Variants in NRG2 observed in about 807,000 individuals in gnomAD.
NRG2 encodes neuregulin 2.
A neutral mutation model predicts 73.9 loss-of-function variants in NRG2; 27 were observed. That is an observed-to-expected ratio of 0.37 (90% CI 0.27 to 0.50). The LOEUF is 0.50. Among genes scored for constraint, NRG2 ranks in the 20% least tolerant of loss-of-function variants. The probability of loss-of-function intolerance (pLI) is 0.96; values close to 1 mark genes in which losing one functional copy is unlikely to be tolerated. For missense variants in NRG2, 1,126 were observed against 1,210.1 expected (o/e 0.93, Z 1.03); for synonymous variants, 532 against 541.0 (o/e 0.98, Z 0.23).
At chr5:139,988,252 A>C (rs1757324877) in intron 1 of NRG2, among the ~76,000 whole-genome samples, 1 of 152,054 alleles carries the variant, frequency 6.6e-6, no homozygotes, top group Non-Finnish European at 1.5e-5. Flanking sequence ...AGTTTCTTAC[A>C]AAACTAAACA....
At chr5:139,872,898 C>T (rs1762953200) in intron 3 of NRG2, among the ~76,000 whole-genome samples, 1 of 152,142 alleles carries the variant, frequency 6.6e-6, no homozygotes, top group South Asian at 2.1e-4. Context: ...CCCTCAGCTC[C>T]CAGGGCCTCT....
Position 139,938,906 on chromosome 5 carries a change from A to C in NRG2, c.701-51395T>G, listed in dbSNP as rs1580774883. ...AAGGAAAGAAAGAAAGAAAGAAAGA[A>C]AAGAAAGAAAGAAAGAAAGAAAGAA... On this transcript the variant is annotated intron_variant, in intron 1 of 9. Coordinates refer to ENST00000361474, the MANE Select transcript of NRG2 (RefSeq NM_004883.3). Among the ~76,000 whole-genome samples the C allele has an allele frequency of 6.2e-4, 3 of 4,828 alleles. No homozygotes were observed. In the East Asian group the frequency reaches 0.019, roughly 31 times the overall value. The allele number at this position is 4,828 out of a possible 152,430, so 3.2% of individuals were successfully genotyped here.
intron 1 of NRG2, among the ~76,000 whole-genome samples, chr5:139,916,732 C>T (rs891921420): frequency 6.6e-6 from 1 of 152,150 alleles, no homozygotes; most frequent in Admixed American, 6.6e-5. Flanking sequence ...AGTATTCATA[C>T]CTTTTTTGTG....
At chr5:139,961,665 G>A (rs1755072642) in intron 1 of NRG2, among the ~76,000 whole-genome samples, 1 of 152,138 alleles carries the variant, frequency 6.6e-6, no homozygotes, top group Non-Finnish European at 1.5e-5. Flanking sequence ...AGAGAACAGG[G>A]CCATTCCCAC....
At chr5:139,914,150 T>C (rs1371065289) in intron 1 of NRG2, among the ~76,000 whole-genome samples, 1 of 152,026 alleles carries the variant, frequency 6.6e-6, no homozygotes, top group African/African-American at 2.4e-5. Context: ...ACAGACCCTG[T>C]CTCAGAAAAA....
chr5:140,040,716 A>G (rs1761848211), intron 1 of NRG2, among the ~76,000 whole-genome samples: 1 of 152,220 alleles, frequency 6.6e-6, no homozygotes, highest in Non-Finnish European at 1.5e-5. Flanking sequence ...ACTGTACAAT[A>G]CTGTTTCACA....
intron 1 of NRG2, among the ~76,000 whole-genome samples, chr5:139,972,804 A>G (rs1314096146): frequency 6.6e-6 from 1 of 152,228 alleles, no homozygotes; most frequent in Admixed American, 6.5e-5. Context: ...ATAAAGATTA[A>G]TACCCTAGAT....
At chr5:139,963,826 C>G (rs756929801) in intron 1 of NRG2, among the ~76,000 whole-genome samples, 3 of 152,196 alleles carry the variant, frequency 2.0e-5, no homozygotes, top group Admixed American at 6.5e-5. Context: ...CCAAGCCCCA[C>G]CCCAGCATGC....
intron 1 of NRG2, among the ~76,000 whole-genome samples, chr5:140,011,093 T>A (rs1014975785): frequency 6.6e-6 from 1 of 152,256 alleles, no homozygotes; most frequent in African/African-American, 2.4e-5. Context: ...CAGGTGATCT[T>A]ATCTTGTTAC....
In NRG2 at chr5:139,865,400, A is replaced by C. The variant is rs1762419604; in HGVS notation, c.1189+149T>G. 1.3e-6 allele frequency: 1 copy of C among 745,890 alleles called. No individual in the cohort carries two copies. Among genetic ancestry groups the C allele is most frequent in the Non-Finnish European group, 2.3e-6 (1 of 437,984 alleles). 46.2% of individuals were successfully genotyped at this position (745,890 alleles called of 1,614,324 possible). On this transcript the variant is annotated intron_variant, in intron 5 of 9. Transcript: ENST00000361474. The surrounding 1 kb of genome is among the most constrained non-coding windows in gnomAD (Gnocchi z 5.2). ...CAAAACAAAACAAAAAGAACTAACAAACCAAAATACAAAAAAGAAAAGAGA... is the reference window on the plus strand; with the variant it reads ...CAAAACAAAACAAAAAGAACTAACACACCAAAATACAAAAAAGAAAAGAGA...
At chr5:139,882,350 C>A (rs546667891) in intron 2 of NRG2, among the ~76,000 whole-genome samples, 1 of 152,294 alleles carries the variant, frequency 6.6e-6, no homozygotes, top group Admixed American at 6.5e-5. Flanking sequence ...GGCATCCTTA[C>A]CCCAAGGTCC....
At position 139,887,450 on chromosome 5, in the gene NRG2, C is replaced by T. The variant is rs748046281; in HGVS notation, c.762G>A (p.Ser254=). 9.3e-6 allele frequency: 15 copies of T among 1,614,142 alleles called. No homozygotes were observed. Among genetic ancestry groups the T allele is most frequent in the East Asian group, 4.5e-5 (2 of 44,896 alleles). Residue 254 remains serine, a synonymous_variant, in exon 2 of 10, where the codon TCG becomes TCA. Transcript: ENST00000361474. This position sits in a 1 kb window ranked among gnomAD's most constrained non-coding sequence, Gnocchi z 4.5. The stretch of plus-strand genomic sequence containing the variant: ...TACCGGCTGCTGCCTCACACTTCAG[C>T]GATTGCTTCTCACCCACCTGTCCCG... ...SQTGQVGEKQ[S]LKCEAAAGNP...
intron 1 of NRG2, among the ~76,000 whole-genome samples, chr5:139,933,969 T>G (rs1191725122): frequency 6.6e-6 from 1 of 152,136 alleles, no homozygotes; most frequent in Non-Finnish European, 1.5e-5. Flanking sequence ...GAGGCCAAGG[T>G]GGGCCAATTG....
chr5:139,895,125 G>A (rs997655386), intron 1 of NRG2, among the ~76,000 whole-genome samples: 1 of 152,196 alleles, frequency 6.6e-6, no homozygotes, highest in African/African-American at 2.4e-5. Context: ...CACCCAACTT[G>A]CAATGTGAGG....
chr5:140,039,552 C>T (rs1761757295), intron 1 of NRG2, among the ~76,000 whole-genome samples: 1 of 152,176 alleles, frequency 6.6e-6, no homozygotes, highest in Non-Finnish European at 1.5e-5. Context: ...CACCTTAGAT[C>T]ACAGACTTCA....
chr5:140,019,564 A>AT (rs971794452), intron 1 of NRG2: 3 of 152,176 alleles, frequency 2.0e-5, no homozygotes, highest in African/African-American at 7.2e-5. Context: ...TCCCTTCTCC[A>AT]TGCCACTGCT....
At chr5:139,944,596 G>A (rs111933028) in intron 1 of NRG2, among the ~76,000 whole-genome samples, 12 of 151,936 alleles carry the variant, frequency 7.9e-5, no homozygotes, top group Admixed American at 7.2e-4. Context: ...ATTTCATTCC[G>A]TTTTATGGCT....
At chr5:139,863,650 C>T (rs1002818557) in intron 5 of NRG2, among the ~76,000 whole-genome samples, 3 of 152,234 alleles carry the variant, frequency 2.0e-5, no homozygotes, top group African/African-American at 7.2e-5. Flanking sequence ...TTGCCCCTGG[C>T]CCCCAGCTCT....
chr5:139,902,952 A>T (rs549285921), intron 1 of NRG2, among the ~76,000 whole-genome samples: 6 of 152,280 alleles, frequency 3.9e-5, no homozygotes, highest in Admixed American at 3.3e-4. Context: ...AAAGAAGGAG[A>T]ACACAGTTCT....
Sources: gnomAD v4.1 joint callset for allele counts (sites outside exome capture counted in the v4.1 genomes callset) on GRCh38, gnomAD v4.1.1 for gene constraint, Gnocchi (gnomAD v3.1) non-coding constraint, MANE v1.5 for transcripts, NCBI Gene and HGNC (gene_info 2026-07-23, HGNC 2026-07-21) for gene names.